The following PLCH1 variants were observed in gnomAD, a reference collection of about 807,000 sequenced individuals.
PLCH1 encodes the protein 1-phosphatidylinositol 4,5-bisphosphate phosphodiesterase eta-1.
In PLCH1, 60 loss-of-function variants were observed where a neutral mutation model predicts 126.7. The ratio of observed to expected loss-of-function variants is 0.47; its 90% CI spans 0.38 to 0.59. The LOEUF (loss-of-function observed/expected upper bound fraction) is 0.59, where lower values mean the gene tolerates loss of function less well. Ranked by LOEUF, PLCH1 falls within the 20% of genes least tolerant of loss-of-function variation. The pLI, the probability that PLCH1 is intolerant of heterozygous loss-of-function variation, is 0.00. For synonymous variants in PLCH1, 719 were observed against 734.9 expected (o/e 0.98, Z 0.35); for missense variants, 1,723 against 2,040.0 (o/e 0.84, Z 2.99).
chr3:155,674,667 A>C (rs1221652275), intron 2 of PLCH1, among the ~76,000 whole-genome samples: 1 of 152,192 alleles, frequency 6.6e-6, no homozygotes, highest in East Asian at 1.9e-4. Flanking sequence ...TTGCTCAATG[A>C]AAAATCTCTG....
intron 1 of PLCH1, 42 bp from the exon 2 acceptor site, chr3:155,704,306 C>T (rs1577345477): frequency 4.0e-6 from 2 of 498,014 alleles, no homozygotes; most frequent in Non-Finnish European, 6.3e-6. Context: ...AAGAAAACGG[C>T]AGCCACACGC....
At chr3:155,727,267 C>A (rs897154619) in intron 1 of PLCH1, among the ~76,000 whole-genome samples, 1 of 151,652 alleles carries the variant, frequency 6.6e-6, no homozygotes, top group Admixed American at 6.6e-5. Flanking sequence ...CAGACATGCT[C>A]ATTTGCCTTT....
chr3:155,505,141 A>C lies in PLCH1; in HGVS notation c.1633-515T>G, dbSNP rs571676733. 3.9e-5 allele frequency among the ~76,000 whole-genome samples: 6 copies of C among 152,356 alleles called. No homozygotes were observed. The Middle Eastern group carries it at 0.01, about 259-fold the overall frequency. ...CATTATAAATAAATAAAATCCAAGG[A>C]TATCTATGAGATAATAGATTGTTTT... On this transcript the variant is annotated intron_variant, in intron 12 of 22. Coordinates refer to ENST00000460012, the MANE Select transcript of PLCH1 (RefSeq NM_014996.4).
chr3:155,579,168 A>G (rs999884428), intron 6 of PLCH1, among the ~76,000 whole-genome samples: 2 of 152,174 alleles, frequency 1.3e-5, no homozygotes, highest in African/African-American at 4.8e-5. Context: ...ATAAATTTGT[A>G]TGTTTTTCTC....
At chr3:155,509,382 C>G (rs530211114) in intron 12 of PLCH1, among the ~76,000 whole-genome samples, 1 of 77,662 alleles carries the variant, frequency 1.3e-5, no homozygotes, top group Admixed American at 1.2e-4. Context: ...TTAGTTATTT[C>G]TTGCCTTCTG....
At position 155,622,901 on chromosome 3, in the gene PLCH1, G is replaced by C. The variant is rs140971269; in HGVS notation, c.80-26523C>G. 3.0e-3 allele frequency among the ~76,000 whole-genome samples: 454 copies of C among 152,204 alleles called. 3 individuals carry two copies. Among genetic ancestry groups the C allele is most frequent in the African/African-American group, 0.01 (424 of 41,546 alleles). Reference sequence around the variant, plus strand: ...TATCCAGGGCGTGAACTCAGCTCTGGAACCAGCAGACCTAATAGACATCTA... The same window carrying C: ...TATCCAGGGCGTGAACTCAGCTCTGCAACCAGCAGACCTAATAGACATCTA... On this transcript the variant is annotated intron_variant, in intron 2 of 22. Coordinates refer to ENST00000460012, the MANE Select transcript of PLCH1 (RefSeq NM_014996.4).
At position 155,583,614 on chromosome 3, in the gene PLCH1, G is replaced by C. The variant is rs1029615986; in HGVS notation, c.629C>G (p.Thr210Ser). 1.9e-6 allele frequency: 3 copies of C among 1,584,142 alleles called. No individual in the cohort carries two copies. Among genetic ancestry groups the C allele is most frequent in the African/African-American group, 1.4e-5 (1 of 72,734 alleles). Reference sequence around the variant, plus strand: ...AACACAGAACTCTTCAAATGTCAAAGTTCCCTGATTCTCATCTGTGTCGGC... The same window carrying C: ...AACACAGAACTCTTCAAATGTCAAACTTCCCTGATTCTCATCTGTGTCGGC... ...QEADTDENQG[T>S]LTFEEFCVFY... Residue 210 changes from threonine (T) to serine (S), a missense_variant, in exon 6 of 23, where the codon ACT (threonine) becomes AGT (serine). Around this residue, in one of 2 missense-constraint regions of PLCH1, gnomAD observed 776 missense variants for 1,062.9 expected, o/e 0.73. Coordinates refer to ENST00000460012, the MANE Select transcript of PLCH1 (RefSeq NM_014996.4).
At chr3:155,593,705 C>T (rs1039368183) in intron 4 of PLCH1, among the ~76,000 whole-genome samples, 7 of 152,106 alleles carry the variant, frequency 4.6e-5, no homozygotes, top group Admixed American at 6.5e-5. Context: ...GAGCTAGATT[C>T]GGTCTCTTTA....
intron 12 of PLCH1, among the ~76,000 whole-genome samples, chr3:155,511,664 G>C (rs540654049): frequency 7.1e-6 from 1 of 140,712 alleles, no homozygotes; most frequent in Non-Finnish European, 1.5e-5. Context: ...TAGGCTGCTC[G>C]GGGGTCAGGG....
chr3:155,550,698 A>G (rs540648144), intron 9 of PLCH1, among the ~76,000 whole-genome samples: 4 of 152,198 alleles, frequency 2.6e-5, no homozygotes, highest in Non-Finnish European at 5.9e-5. Flanking sequence ...TCCTCAGAAT[A>G]AGAAATTATT....
chr3:155,669,044 T>A (rs1743100506), intron 2 of PLCH1, among the ~76,000 whole-genome samples: 1 of 152,090 alleles, frequency 6.6e-6, no homozygotes, highest in Non-Finnish European at 1.5e-5. Flanking sequence ...ATGTATGTAC[T>A]ACATGTACTG....
intron 21 of PLCH1, among the ~76,000 whole-genome samples, chr3:155,452,783 C>T (rs915547502): frequency 5.3e-5 from 8 of 152,206 alleles, no homozygotes; most frequent in Admixed American, 1.3e-4. Flanking sequence ...AAATTCCCAC[C>T]TCAAGTGCCA....
chr3:155,713,800 G>A (rs1747321620), intron 1 of PLCH1, among the ~76,000 whole-genome samples: 1 of 152,192 alleles, frequency 6.6e-6, no homozygotes, highest in Non-Finnish European at 1.5e-5. Context: ...GGCAGTGAAT[G>A]AGATGTTCTT....
chr3:155,681,178 G>GA (rs544433614), intron 2 of PLCH1, among the ~76,000 whole-genome samples: 97 of 151,830 alleles, frequency 6.4e-4, no homozygotes, highest in Non-Finnish European at 1.3e-3. Context: ...TTTATACTCA[G>GA]AAAAAAATAA....
chr3:155,646,553 C>T (rs1283026710), intron 2 of PLCH1, among the ~76,000 whole-genome samples: 2 of 152,206 alleles, frequency 1.3e-5, no homozygotes, highest in African/African-American at 4.8e-5. Flanking sequence ...TGAAATTACA[C>T]ATTCAACTCC....
intron 1 of PLCH1, among the ~76,000 whole-genome samples, chr3:155,711,269 A>G (rs1369652760): frequency 6.6e-6 from 1 of 152,188 alleles, no homozygotes; most frequent in Admixed American, 6.5e-5. Context: ...ATAAGTGATA[A>G]GTAACTTTTG....
intron 10 of PLCH1, among the ~76,000 whole-genome samples, chr3:155,531,485 C>T (rs530948738): frequency 2.6e-5 from 4 of 152,242 alleles, no homozygotes; most frequent in South Asian, 4.2e-4. Flanking sequence ...ATTAGCTGGG[C>T]GTGGTGGCAC....
intron 2 of PLCH1, among the ~76,000 whole-genome samples, chr3:155,678,905 T>C (rs112814671): frequency 0.041 from 6,311 of 152,288 alleles, 395 homozygotes; most frequent in African/African-American, 0.13. Context: ...AAAAACAATA[T>C]TTCTGAGTTC....
chr3:155,534,089 G>A (rs188623422), intron 10 of PLCH1, among the ~76,000 whole-genome samples: 1 of 152,330 alleles, frequency 6.6e-6, no homozygotes, highest in East Asian at 1.9e-4. Context: ...TAGTAAAGCT[G>A]TGAAAAGAGG....
Sources: gnomAD v4.1 joint callset for allele counts (sites outside exome capture counted in the v4.1 genomes callset) on GRCh38, gnomAD v4.1.1 for gene constraint, gnomAD v4.1.1 regional missense constraint, MANE v1.5 for transcripts, NCBI Gene and HGNC (gene_info 2026-07-23, HGNC 2026-07-21) for gene names.